The following KIR2DL4 variants were observed in gnomAD, a reference collection of about 807,000 sequenced individuals.
KIR2DL4 encodes the protein killer cell immunoglobulin-like receptor 2DL4.
KIR2DL4 carries 41 observed loss-of-function variants against 31.0 expected under a neutral mutation model. The observed-to-expected ratio is 1.32, with a 90% CI of 1.03 to 1.72. The LOEUF (loss-of-function observed/expected upper bound fraction) is 1.72. Among genes scored for constraint, KIR2DL4 ranks in the 40% most tolerant of loss-of-function variants. KIR2DL4 has a pLI of 0.00. For synonymous variants in KIR2DL4, 164 were observed against 133.6 expected (o/e 1.23, Z -1.57); for missense variants, 438 against 353.7 (o/e 1.24, Z -1.91).
intron 5 of KIR2DL4, chr19:54,813,019 T>C (rs648689): frequency 0.41 from 274,403 of 666,860 alleles, 72,112 homozygotes; most frequent in East Asian, 0.76. Context: ...GGTGCTTGTC[T>C]TAAAGAGGTG....
chr19:54,813,047 G>A, intron 5 of KIR2DL4: 2 of 1,164,136 alleles, frequency 1.7e-6, no homozygotes, highest in Non-Finnish European at 2.4e-6. Flanking sequence ...TGGTTGCCTG[G>A]CAACCAAGAA....
chr19:54,804,807 C>A, exon 3 of KIR2DL4: 1 of 1,612,090 alleles, frequency 6.2e-7, no homozygotes, highest in South Asian at 1.1e-5. Flanking sequence ...TCAGGACAAG[C>A]CCTTCTGCTC....
intron 5 of KIR2DL4, chr19:54,813,012 G>A (rs1465119408): frequency 4.2e-6 from 3 of 718,630 alleles, no homozygotes; most frequent in Non-Finnish European, 6.7e-6. Context: ...CCTCGTGGGT[G>A]CTTGTCTTAA....
At chr19:54,812,436 C>T (rs1438111179) in intron 5 of KIR2DL4, among the ~76,000 whole-genome samples, 1 of 151,414 alleles carries the variant, frequency 6.6e-6, no homozygotes, top group East Asian at 1.9e-4. Context: ...CCAGGAAGAA[C>T]AGGAAGACAG....
chr19:54,806,825 T>C lies in KIR2DL4; in HGVS notation c.655+581T>C, dbSNP rs998082148. 3.4e-4 allele frequency among the ~76,000 whole-genome samples: 51 copies of C among 149,474 alleles called. 3 individuals carry two copies. Among genetic ancestry groups the C allele is most frequent in the African/African-American group, 1.3e-3 (51 of 40,106 alleles). ...GGGCTGGAGACCAGCCTGGCCAACA[T>C]GGGGGAACCAATCTTTACTAAAAAG... On this transcript the variant is annotated intron_variant, in intron 4 of 7. Transcript: ENST00000359085.
rs375419633 is a variant in KIR2DL4 at position 54,803,923 on chromosome 19, G to A, written c.73G>A (p.Val25Met). ...CTTGGACCAGAGTGTGTGGGCACAC[G>A]TGGGTGAGTCCTTCCCCAAATGATG... Residue 25 changes from valine to methionine, a missense_variant, in exon 2 of 8, where the codon GTG (valine) becomes ATG (methionine). Physicochemically the swap from Val to Met is conservative, Grantham distance 21. Transcript: ENST00000359085. 2.2e-4 allele frequency: 354 copies of A among 1,609,502 alleles called. 4 individuals carry two copies. The highest frequency in any genetic ancestry group is 3.3e-4 in the African/African-American group (24 of 73,412).
rs903918210 is a variant in KIR2DL4 at position 54,804,200 on chromosome 19, T to A, written c.76+274T>A. The stretch of plus-strand genomic sequence containing the variant: ...AGCCCTCCCCAGCCTTTCTTCCCCA[T>A]GGCTGAGTTGAGCTCTGTGTGGCCC... On this transcript the variant is annotated intron_variant, in intron 2 of 7. Transcript: ENST00000359085. Among the ~76,000 whole-genome samples the A allele has an allele frequency of 9.3e-3, 1,397 of 150,336 alleles. 89 individuals are homozygous for A. Among genetic ancestry groups the A allele is most frequent in the African/African-American group, 0.033 (1,323 of 40,366 alleles).
At chr19:54,803,868 T>C in intron 1 of KIR2DL4, 23 bp from the exon 2 acceptor site, 4 of 1,606,812 alleles carry the variant, frequency 2.5e-6, no homozygotes, top group South Asian at 1.1e-5. Flanking sequence ...AGATGAATAG[T>C]TCATCATGAT....
At position 54,807,201 on chromosome 19, in the gene KIR2DL4, C is replaced by T. The variant is rs2060580214; in HGVS notation, c.655+957C>T. ...ATCCATGTGGCTGCAAATGACAGGA[C>T]GTTACTCTTTGTATGGATGAGTTGT... On this transcript the variant is annotated intron_variant, in intron 4 of 7. Transcript: ENST00000359085. Among the ~76,000 whole-genome samples the T allele has an allele frequency of 3.3e-5, 5 of 150,688 alleles. 1 individual carries two copies. The highest frequency in any genetic ancestry group is 3.9e-4 in the East Asian group (2 of 5,118).
At chr19:54,805,142 G>A in intron 3 of KIR2DL4, 65 bp downstream of exon 3, 2 of 1,461,086 alleles carry the variant, frequency 1.4e-6, no homozygotes, top group Non-Finnish European at 1.8e-6. Flanking sequence ...TTCTGGTGGG[G>A]GTGTCCACCA....
At chr19:54,807,940 G>C (rs2060624667) in intron 4 of KIR2DL4, among the ~76,000 whole-genome samples, 1 of 151,144 alleles carries the variant, frequency 6.6e-6, no homozygotes, top group Non-Finnish European at 1.5e-5. Context: ...CTGATGATTA[G>C]TGATACTGAG....
chr19:54,810,535 C>T (rs1238778331), intron 5 of KIR2DL4, among the ~76,000 whole-genome samples: 5 of 151,508 alleles, frequency 3.3e-5, no homozygotes, highest in Non-Finnish European at 5.9e-5. Flanking sequence ...ATAGATCAAC[C>T]CCTGGAAGAT....
At chr19:54,810,984 T>C (rs1490839762) in intron 5 of KIR2DL4, among the ~76,000 whole-genome samples, 3 of 151,566 alleles carry the variant, frequency 2.0e-5, no homozygotes, top group South Asian at 2.1e-4. Context: ...TTTTTCCTAA[T>C]TGTTTAATCT....
chr19:54,808,201 A>G (rs2060640685), intron 4 of KIR2DL4, among the ~76,000 whole-genome samples: 1 of 135,288 alleles, frequency 7.4e-6, no homozygotes, highest in Non-Finnish European at 1.5e-5. Context: ...GCTTGATTTG[A>G]TATAATCCCA....
exon 3 of KIR2DL4, chr19:54,804,971 C>T: frequency 1.2e-6 from 2 of 1,612,072 alleles, no homozygotes; most frequent in Middle Eastern, 1.7e-4. Flanking sequence ...TCCTCATTAG[C>T]CCTGTGACCC....
intron 4 of KIR2DL4, among the ~76,000 whole-genome samples, chr19:54,807,705 T>C (rs376786209): frequency 0.14 from 20,837 of 149,404 alleles, 1,932 homozygotes; most frequent in Middle Eastern, 0.19. Flanking sequence ...CCCAAGGTGC[T>C]GGGATTACAA....
rs1368463453 is a variant in KIR2DL4, at chr19:54,813,282, A to T, written c.810+54A>T. 6.9e-6 allele frequency: 11 copies of T among 1,597,790 alleles called. No individual in the cohort carries two copies. The East Asian group carries it at 2.0e-4, about 30-fold the overall frequency. Reference sequence around the variant, plus strand: ...ACTCAGGGCCCTGTGCGGAAGCAGGATGGGAGCACGCAGGTGTGTGTTCCT... The same window carrying T: ...ACTCAGGGCCCTGTGCGGAAGCAGGTTGGGAGCACGCAGGTGTGTGTTCCT... On this transcript the variant is annotated intron_variant, in intron 6 of 7. Coordinates refer to ENST00000359085, the Ensembl canonical transcript of KIR2DL4.
chr19:54,805,060 T>C (rs779285952), exon 3 of KIR2DL4: 2 of 1,605,696 alleles, frequency 1.2e-6, no homozygotes, highest in African/African-American at 2.7e-5. Context: ...AGCAACCCCC[T>C]GGTGATCATG....
In KIR2DL4 at chr19:54,812,104, T is replaced by A. The variant is rs1191266600; in HGVS notation, c.707-1021T>A. ...CTGTGTATCAATCCCAGTCCAGTCT[T>A]CCCAGAGAAGACTCTAAACACCTCC... On this transcript the variant is annotated intron_variant, in intron 5 of 7. Coordinates refer to ENST00000359085, the Ensembl canonical transcript of KIR2DL4. Among the ~76,000 whole-genome samples the A allele has an allele frequency of 2.6e-5, 4 of 151,202 alleles. 1 individual carries two copies. The highest frequency in any genetic ancestry group is 9.8e-5 in the African/African-American group (4 of 40,898).
Sources: gnomAD v4.1 joint callset for allele counts (sites outside exome capture counted in the v4.1 genomes callset) on GRCh38, gnomAD v4.1.1 for gene constraint, MANE v1.5 for transcripts, NCBI Gene and HGNC (gene_info 2026-07-23, HGNC 2026-07-21) for gene names.